The following ZFHX3 variants were observed in gnomAD, a reference collection of about 807,000 sequenced individuals.
ZFHX3 encodes the protein zinc finger homeobox protein 3.
A neutral mutation model predicts 279.1 loss-of-function variants in ZFHX3; 42 were observed. The ratio of observed to expected loss-of-function variants is 0.15; its 90% CI spans 0.12 to 0.19. The LOEUF (loss-of-function observed/expected upper bound fraction) is 0.19. ZFHX3 is among the 10% of genes least tolerant of loss of function. The pLI, the probability that ZFHX3 is intolerant of heterozygous loss-of-function variation, is 1.00. For missense variants in ZFHX3, 4,981 were observed against 4,754.0 expected, an observed-to-expected ratio of 1.05 and a Z score of -1.40; for synonymous variants, 2,293 against 1,957.8, an observed-to-expected ratio of 1.17 and a Z score of -4.52.
chr16:73,611,243 T>C (rs945261239), intron 2 of ZFHX3, among the ~76,000 whole-genome samples: 5 of 152,152 alleles, frequency 3.3e-5, no homozygotes, highest in Non-Finnish European at 5.9e-5. Context: ...AACAAACCTT[T>C]CCTCAAGGCA....
chr16:73,277,565 G>A (rs939593108), intron 4 of ZFHX3, among the ~76,000 whole-genome samples: 1 of 152,176 alleles, frequency 6.6e-6, no homozygotes, highest in South Asian at 2.1e-4. Flanking sequence ...TGTCCGCTTT[G>A]TAGATGTCTC....
chr16:72,908,567 T>A (rs1329341850), intron 3 of ZFHX3, among the ~76,000 whole-genome samples: 3 of 152,204 alleles, frequency 2.0e-5, no homozygotes, highest in Non-Finnish European at 4.4e-5. Context: ...AATGAAATCA[T>A]TGGGTTTTTC....
intron 2 of ZFHX3, among the ~76,000 whole-genome samples, chr16:73,602,405 C>T (rs1285064385): frequency 1.3e-5 from 2 of 152,076 alleles, no homozygotes; most frequent in African/African-American, 2.4e-5. Context: ...AAGGAAGCAA[C>T]GTCTTTCTAT....
chr16:73,833,285 C>G (rs771308779), intron 1 of ZFHX3, among the ~76,000 whole-genome samples: 1 of 152,088 alleles, frequency 6.6e-6, no homozygotes, highest in Non-Finnish European at 1.5e-5. Context: ...ATTGCTTGAG[C>G]TCAGGAGTTT....
chr16:72,901,112 C>G (rs544823072), intron 3 of ZFHX3, among the ~76,000 whole-genome samples: 1 of 152,180 alleles, frequency 6.6e-6, no homozygotes, highest in Non-Finnish European at 1.5e-5. Flanking sequence ...CTTCCTCTCC[C>G]CTTTCACACC....
chr16:73,058,842 G>T (rs1459454082), exon 1 of ZFHX3: 3 of 153,974 alleles, frequency 1.9e-5, no homozygotes, highest in Non-Finnish European at 4.2e-5. Flanking sequence ...TACAGCCCCC[G>T]GAGCGGGCAG....
chr16:73,183,736 G>A (rs1369737072), intron 5 of ZFHX3, among the ~76,000 whole-genome samples: 1 of 152,218 alleles, frequency 6.6e-6, no homozygotes, highest in Non-Finnish European at 1.5e-5. Flanking sequence ...AGCCTCCTCT[G>A]AATGGTTTCC....
At chr16:73,485,272 G>A (rs370516532) in intron 2 of ZFHX3, among the ~76,000 whole-genome samples, 9 of 152,024 alleles carry the variant, frequency 5.9e-5, no homozygotes, top group African/African-American at 2.2e-4. Flanking sequence ...CATGATACTG[G>A]TTTCTTTCCT....
chr16:72,786,142 T>C lies in ZFHX3; in HGVS notation c.*1022A>G, dbSNP rs897699596. ...ACAAGGGGAGAAAAGCTTAGGCGAATCAACGGATTGCAATCTATCATCTGC... is the reference window on the plus strand; with the variant it reads ...ACAAGGGGAGAAAAGCTTAGGCGAACCAACGGATTGCAATCTATCATCTGC... On this transcript the variant is annotated 3_prime_UTR_variant, in exon 10 of 10. Transcript: ENST00000268489. 6.6e-6 allele frequency: 1 copy of C among 151,984 alleles called. No individual in the cohort carries two copies. Among genetic ancestry groups the C allele is most frequent in the African/African-American group, 2.4e-5 (1 of 41,330 alleles). 9.4% of individuals were successfully genotyped at this position (151,984 alleles called of 1,614,324 possible). A position where few individuals can be genotyped will look rare whatever the true frequency, so the allele number is the denominator to read the frequency against.
intron 5 of ZFHX3, among the ~76,000 whole-genome samples, chr16:73,144,052 A>C (rs1966854357): frequency 1.3e-5 from 2 of 152,198 alleles, no homozygotes; most frequent in African/African-American, 4.8e-5. Context: ...TAGGCTATAG[A>C]AAAGCACATT....
chr16:72,852,077 A>G (rs1388538898), intron 4 of ZFHX3, among the ~76,000 whole-genome samples: 1 of 152,228 alleles, frequency 6.6e-6, no homozygotes, highest in Non-Finnish European at 1.5e-5. Flanking sequence ...TGTATGAAAG[A>G]GGATTATACA....
At chr16:73,871,952 T>G (rs1348248263) in intron 1 of ZFHX3, among the ~76,000 whole-genome samples, 1 of 152,196 alleles carries the variant, frequency 6.6e-6, no homozygotes, top group Non-Finnish European at 1.5e-5. Context: ...GAAGAGTAAT[T>G]GTACTTATGA....
intron 2 of ZFHX3, among the ~76,000 whole-genome samples, chr16:73,461,561 G>T (rs187294015): frequency 5.9e-5 from 9 of 152,256 alleles, no homozygotes; most frequent in Non-Finnish European, 1.3e-4. Flanking sequence ...TCATTTTCAT[G>T]TATGGTGTAA....
chr16:73,559,689 G>C (rs1437179748), intron 2 of ZFHX3, among the ~76,000 whole-genome samples: 1 of 152,142 alleles, frequency 6.6e-6, no homozygotes, highest in Admixed American at 6.5e-5. Flanking sequence ...GTCAAACATA[G>C]AAGACGACAC....
intron 5 of ZFHX3, among the ~76,000 whole-genome samples, chr16:73,178,522 A>G (rs1485752596): frequency 1.3e-5 from 2 of 152,118 alleles, no homozygotes; most frequent in Admixed American, 6.6e-5. Flanking sequence ...TAAATGTGCC[A>G]ATTTCTTCAA....
intron 5 of ZFHX3, among the ~76,000 whole-genome samples, chr16:72,819,918 C>A (rs1402076445): frequency 6.6e-6 from 1 of 152,236 alleles, no homozygotes; most frequent in African/African-American, 2.4e-5. Context: ...TTCCACATGT[C>A]CTGTCCTGGA....
chr16:72,930,353 C>A (rs1186941437), intron 3 of ZFHX3, among the ~76,000 whole-genome samples: 1 of 151,982 alleles, frequency 6.6e-6, no homozygotes, highest in Admixed American at 6.6e-5. Flanking sequence ...GGTTCTTCTG[C>A]ACCTAAAAAT....
At chr16:72,818,669 C>T (rs1031070254) in intron 5 of ZFHX3, among the ~76,000 whole-genome samples, 4 of 152,188 alleles carry the variant, frequency 2.6e-5, no homozygotes, top group African/African-American at 9.7e-5. Flanking sequence ...CAGGCCACAG[C>T]TAAAAAGAAA....
chr16:73,769,880 C>T (rs911770421), intron 1 of ZFHX3, among the ~76,000 whole-genome samples: 7 of 152,140 alleles, frequency 4.6e-5, no homozygotes, highest in African/African-American at 7.2e-5. Flanking sequence ...GAACTCTCTC[C>T]CCACTGCACA....
Sources: gnomAD v4.1 joint callset for allele counts (sites outside exome capture counted in the v4.1 genomes callset) on GRCh38, gnomAD v4.1.1 for gene constraint, MANE v1.5 for transcripts, NCBI Gene and HGNC (gene_info 2026-07-23, HGNC 2026-07-21) for gene names.